The following RPS6KA2 variants were observed in gnomAD, a reference collection of about 807,000 sequenced individuals.
RPS6KA2 encodes the protein ribosomal protein S6 kinase alpha-2.
A neutral mutation model predicts 91.8 loss-of-function variants in RPS6KA2; 42 were observed. That is an observed-to-expected ratio of 0.46 (90% CI 0.36 to 0.59). RPS6KA2 has a LOEUF of 0.59. Ranked by LOEUF, RPS6KA2 falls within the 20% of genes least tolerant of loss-of-function variation. RPS6KA2 has a pLI of 0.00. For synonymous variants in RPS6KA2, 414 were observed against 393.6 expected (o/e 1.05, Z -0.61); for missense variants, 798 against 978.5 (o/e 0.82, Z 2.46).
chr6:166,525,060 A>C (rs1368483793), intron 3 of RPS6KA2, among the ~76,000 whole-genome samples: 1 of 152,206 alleles, frequency 6.6e-6, no homozygotes, highest in Non-Finnish European at 1.5e-5. Flanking sequence ...TGAGGATGAG[A>C]ACTACTGCTC....
chr6:166,614,656 G>A (rs1786335798), intron 1 of RPS6KA2, among the ~76,000 whole-genome samples: 1 of 152,170 alleles, frequency 6.6e-6, no homozygotes, highest in African/African-American at 2.4e-5. Context: ...GTGGAGATCG[G>A]AAGTTCGGGA....
intron 2 of RPS6KA2, among the ~76,000 whole-genome samples, chr6:166,817,676 T>C (rs777928208): frequency 2.6e-5 from 4 of 152,072 alleles, no homozygotes; most frequent in African/African-American, 4.8e-5. Context: ...TCTTTCTGTA[T>C]GCAATTCAAT....
At position 166,804,348 on chromosome 6, in the gene RPS6KA2, C is replaced by T. The variant is rs1462378194; in HGVS notation, c.123+53852G>A. ...CATATATTTATGTGTTTTATATCTC[C>T]TATTGTTTTGTCCATTAATTTTTTA... On this transcript the variant is annotated intron_variant, in intron 2 of 21. Coordinates refer to the RPS6KA2 transcript ENST00000503859. Among the ~76,000 whole-genome samples the T allele has an allele frequency of 2.7e-5, 4 of 149,128 alleles. No homozygotes were observed. In the Admixed American group the frequency reaches 2.7e-4, roughly 10 times the overall value.
intron 2 of RPS6KA2, among the ~76,000 whole-genome samples, chr6:166,683,530 A>G (rs1261144284): frequency 6.6e-6 from 1 of 152,236 alleles, no homozygotes; most frequent in Non-Finnish European, 1.5e-5. Context: ...GGCCATTTAA[A>G]TAAGTCAGAT....
At chr6:166,416,477 CCCA>C (rs1436987394) in intron 19 of RPS6KA2, among the ~76,000 whole-genome samples, 1 of 151,844 alleles carries the variant, frequency 6.6e-6, no homozygotes, top group Admixed American at 6.6e-5. Flanking sequence ...TCCCACCACT[CCCA>C]CCGTCACCTC....
intron 2 of RPS6KA2, among the ~76,000 whole-genome samples, chr6:166,534,541 G>A (rs983247592): frequency 6.6e-6 from 1 of 152,180 alleles, no homozygotes; most frequent in African/African-American, 2.4e-5. Context: ...AGCAGAGGAA[G>A]CCCCATTCCA....
In RPS6KA2 at chr6:166,770,876, GC is replaced by G; in HGVS notation, c.123+87323del. 1.3e-6 allele frequency: 2 copies of G among 1,597,080 alleles called. No homozygotes were observed. The highest frequency in any genetic ancestry group is 8.5e-7 in the Non-Finnish European group (1 of 1,179,530). On this transcript the variant is annotated intron_variant, in intron 2 of 21. Transcript: ENST00000503859. This position sits in a 1 kb window ranked among gnomAD's most constrained non-coding sequence, Gnocchi z 5.1. ...AACGCTTCTTACCTCTACGGATCCA[GC>G]TACCTTTGTCTTGCAGGCAGCTGAG...
chr6:166,540,530 C>T (rs1271046269), intron 1 of RPS6KA2, among the ~76,000 whole-genome samples: 3 of 152,134 alleles, frequency 2.0e-5, no homozygotes, highest in South Asian at 4.1e-4. Flanking sequence ...CATATGAGTG[C>T]AGTTGGAAGA....
At chr6:166,827,349 C>T (rs923629507) in intron 2 of RPS6KA2, among the ~76,000 whole-genome samples, 1 of 149,380 alleles carries the variant, frequency 6.7e-6, no homozygotes, top group East Asian at 2.0e-4. Context: ...AGGAACAAAA[C>T]GTGATGTGTA....
chr6:166,446,848 GTAAA>G (rs1779695821), intron 14 of RPS6KA2, among the ~76,000 whole-genome samples: 1 of 152,104 alleles, frequency 6.6e-6, no homozygotes, highest in Admixed American at 6.6e-5. Flanking sequence ...CTGTCACCTG[GTAAA>G]TAATCTAAAG....
intron 1 of RPS6KA2, among the ~76,000 whole-genome samples, chr6:166,616,153 C>T (rs1299280149): frequency 6.6e-6 from 1 of 152,174 alleles, no homozygotes; most frequent in East Asian, 1.9e-4. Context: ...CTGAGAGCCC[C>T]CCAGCACTCT....
chr6:166,610,525 G>A (rs534735226), intron 1 of RPS6KA2, among the ~76,000 whole-genome samples: 1 of 152,340 alleles, frequency 6.6e-6, no homozygotes, highest in South Asian at 2.1e-4. Flanking sequence ...TATGCATTTA[G>A]CATAAAATGT....
At position 166,445,783 on chromosome 6, in the gene RPS6KA2, A is replaced by G. The variant is rs1779659763; in HGVS notation, c.1332+2941T>C. Among the ~76,000 whole-genome samples the G allele has an allele frequency of 2.0e-5, 3 of 152,216 alleles. No homozygotes were observed. Among genetic ancestry groups the G allele is most frequent in the Admixed American group, 2.0e-4 (3 of 15,282 alleles). On this transcript the variant is annotated intron_variant, in intron 14 of 20. Coordinates refer to ENST00000265678, the MANE Select transcript of RPS6KA2 (RefSeq NM_021135.6). This position sits in a 1 kb window ranked among gnomAD's most constrained non-coding sequence, Gnocchi z 4.5. ...GAAGCAGACCCCGTTTGTATCCATG[A>G]GCCAGGGGTAGGTGGGATCGTATAC...
chr6:166,507,559 CACAA>C (rs957426787), intron 5 of RPS6KA2, among the ~76,000 whole-genome samples: 3 of 151,742 alleles, frequency 2.0e-5, no homozygotes, highest in Admixed American at 6.6e-5. Context: ...CACACCCACA[CACAA>C]ACACACCCCA....
intron 2 of RPS6KA2, chr6:166,701,716 GC>G: frequency 7.6e-7 from 1 of 1,311,396 alleles, no homozygotes; most frequent in Non-Finnish European, 1.1e-6. Flanking sequence ...CAGACCCAAG[GC>G]GTTCAGATTT....
intron 1 of RPS6KA2, among the ~76,000 whole-genome samples, chr6:166,543,079 C>T (rs976119580): frequency 1.3e-5 from 2 of 152,200 alleles, no homozygotes; most frequent in African/African-American, 4.8e-5. Flanking sequence ...CAGCACTGTT[C>T]TGCTGCTGAC....
intron 1 of RPS6KA2, chr6:166,858,410 G>C: frequency 1.6e-6 from 1 of 615,036 alleles, no homozygotes; most frequent in South Asian, 2.1e-5. Flanking sequence ...CTTCCCACCT[G>C]AATTTATGTT....
chr6:166,568,759 G>A (rs1049935881), intron 1 of RPS6KA2, among the ~76,000 whole-genome samples: 1 of 151,386 alleles, frequency 6.6e-6, no homozygotes, highest in Non-Finnish European at 1.5e-5. Flanking sequence ...AGGTGACTGT[G>A]CTTGTCCCTG....
intron 10 of RPS6KA2, among the ~76,000 whole-genome samples, chr6:166,476,386 C>T (rs1024295600): frequency 6.6e-6 from 1 of 152,202 alleles, no homozygotes; most frequent in Non-Finnish European, 1.5e-5. Flanking sequence ...GAAACTCACA[C>T]AGAGGGGCGG....
Sources: allele counts gnomAD v4.1 joint callset (sites outside exome capture counted in the v4.1 genomes callset), GRCh38; gene constraint gnomAD v4.1.1; non-coding constraint Gnocchi (gnomAD v3.1); transcripts MANE v1.5; gene names NCBI Gene and HGNC (gene_info 2026-07-23, HGNC 2026-07-21).